Variants in PTPRD observed in about 807,000 individuals in gnomAD.
The protein encoded by PTPRD is protein tyrosine phosphatase receptor type D, also known as receptor-type tyrosine-protein phosphatase delta.
A neutral mutation model predicts 214.5 loss-of-function variants in PTPRD; 34 were observed. That is an observed-to-expected ratio of 0.16 (90% CI 0.12 to 0.21). The LOEUF (loss-of-function observed/expected upper bound fraction) is 0.21. PTPRD is among the 10% of genes least tolerant of loss of function. PTPRD has a pLI of 1.00. For missense variants in PTPRD, 2,545 were observed against 2,398.7 expected, an observed-to-expected ratio of 1.06 and a Z score of -1.27; for synonymous variants, 1,128 against 845.7, an observed-to-expected ratio of 1.33 and a Z score of -5.79.
intron 8 of PTPRD, among the ~76,000 whole-genome samples, chr9:9,499,200 G>C (rs571973356): frequency 6.6e-6 from 1 of 152,190 alleles, no homozygotes; most frequent in South Asian, 2.1e-4. Context: ...TTTTCATCAT[G>C]TTGATAAAAA....
At chr9:10,588,625 T>A (rs1254161708) in intron 2 of PTPRD, among the ~76,000 whole-genome samples, 2 of 152,060 alleles carry the variant, frequency 1.3e-5, no homozygotes, top group Middle Eastern at 3.2e-3. Context: ...AGTAAAAGAC[T>A]ATTGCTCAGT....
At chr9:10,406,365 A>C (rs906302225) in intron 2 of PTPRD, among the ~76,000 whole-genome samples, 2 of 151,596 alleles carry the variant, frequency 1.3e-5, no homozygotes, top group African/African-American at 2.4e-5. Flanking sequence ...ATTATAGTGG[A>C]ATAACAAACG....
At chr9:10,287,077 A>T (rs1165542210) in intron 3 of PTPRD, among the ~76,000 whole-genome samples, 5 of 152,220 alleles carry the variant, frequency 3.3e-5, no homozygotes, top group Admixed American at 1.3e-4. Context: ...AATAAAAAAG[A>T]TGTTTTACTC....
At chr9:8,879,521 C>A (rs2098424115) in intron 11 of PTPRD, among the ~76,000 whole-genome samples, 1 of 152,152 alleles carries the variant, frequency 6.6e-6, no homozygotes, top group African/African-American at 2.4e-5. Flanking sequence ...TCATGGAGCT[C>A]ATTGGCCAGT....
chr9:9,309,970 G>A (rs1448418713), intron 9 of PTPRD, among the ~76,000 whole-genome samples: 1 of 151,938 alleles, frequency 6.6e-6, no homozygotes, highest in Non-Finnish European at 1.5e-5. Flanking sequence ...CCTTACATAG[G>A]ATTAAGTTTA....
In PTPRD at chr9:8,853,103, G is replaced by A. The variant is rs7031581; in HGVS notation, c.-103-119157C>T. On this transcript the variant is annotated intron_variant, in intron 11 of 45. Transcript: ENST00000381196. ...TGAAAGCAAATGGGTAATTTATTAA[G>A]GGGGAAATGAGAGACACAGGTCTTC... Among the ~76,000 whole-genome samples, 1,514 of 152,286 alleles carry A rather than the reference G, an allele frequency of 9.9e-3. 26 individuals carry two copies. Among genetic ancestry groups the A allele is most frequent in the African/African-American group, 0.034 (1,430 of 41,556 alleles).
intron 10 of PTPRD, among the ~76,000 whole-genome samples, chr9:9,150,475 A>G (rs1208168270): frequency 6.8e-6 from 1 of 147,788 alleles, no homozygotes; most frequent in Non-Finnish European, 1.5e-5. Context: ...TATATAATAT[A>G]TACTATATAT....
At chr9:8,525,245 G>T in intron 17 of PTPRD, 1 of 687,242 alleles carries the variant, frequency 1.5e-6, no homozygotes, top group Non-Finnish European at 2.6e-6. Flanking sequence ...ATCAATGCTA[G>T]CATTAGAAAT....
At chr9:9,688,098 C>A (rs1319218287) in intron 7 of PTPRD, among the ~76,000 whole-genome samples, 1 of 151,748 alleles carries the variant, frequency 6.6e-6, no homozygotes, top group East Asian at 1.9e-4. Context: ...CAACTTCTGC[C>A]ACGACTGTAA....
chr9:9,046,921 A>C (rs923261664), intron 10 of PTPRD, among the ~76,000 whole-genome samples: 2 of 152,210 alleles, frequency 1.3e-5, no homozygotes, highest in African/African-American at 2.4e-5. Context: ...TAGCTAGAGC[A>C]ATCAGACAAG....
chr9:9,950,383 T>C (rs1356207353), intron 4 of PTPRD, among the ~76,000 whole-genome samples: 1 of 152,168 alleles, frequency 6.6e-6, no homozygotes, highest in Admixed American at 6.5e-5. Flanking sequence ...TTCTCACTTT[T>C]CTTTATTTGG....
At chr9:8,481,827 G>A (rs10977152) in intron 30 of PTPRD, among the ~76,000 whole-genome samples, 3 of 152,158 alleles carry the variant, frequency 2.0e-5, no homozygotes, top group African/African-American at 7.2e-5. Flanking sequence ...CTGTTGCTCA[G>A]GCTGAAGTGC....
At chr9:9,343,869 A>C in intron 9 of PTPRD, among the ~76,000 whole-genome samples, 1 of 152,096 alleles carries the variant, frequency 6.6e-6, no homozygotes, top group Non-Finnish European at 1.5e-5. Context: ...ATCCTGGGTG[A>C]AATTCTTTAG....
rs35929428 is a variant in PTPRD at position 8,485,834 on chromosome 9, G to C, written c.2983C>G (p.Arg995Gly). The C allele has an allele frequency of 6.2e-7, 1 of 1,614,044 alleles. No homozygotes were observed. Among genetic ancestry groups the C allele is most frequent in the South Asian group, 1.1e-5 (1 of 91,080 alleles). The stretch of plus-strand genomic sequence containing the variant: ...CCGGGCCCTTTGCTCGTATGAGCAC[G>C]TACTTTTACATCGTATGTGGTATCT... ...KPDTTYDVKVRAHTSKGPGPY... is the reference protein window; with the variant it reads ...KPDTTYDVKVGAHTSKGPGPY... The change falls in exon 28 of 46, where the codon CGT becomes GGT. Residue 995 changes from arginine to glycine, a missense_variant. By Grantham distance (125) the Arg-to-Gly change is moderately radical (BLOSUM62 -2). Transcript: ENST00000381196.
chr9:9,980,608 CAAAAAAAAACAAAAAAA>C (rs1443839938), intron 4 of PTPRD, among the ~76,000 whole-genome samples: 25 of 11,430 alleles, frequency 2.2e-3, no homozygotes, highest in South Asian at 6.9e-3. Context: ...GACACCTTGT[CAAAAAAAAACAAAAAAA>C]AAAAAAAAAC....
chr9:10,017,111 A>T (rs2096734216), intron 4 of PTPRD, among the ~76,000 whole-genome samples: 1 of 152,206 alleles, frequency 6.6e-6, no homozygotes, highest in Non-Finnish European at 1.5e-5. Flanking sequence ...AAAGTTCCCA[A>T]TCATACACAT....
At chr9:9,372,987 C>T (rs1343499606) in intron 9 of PTPRD, among the ~76,000 whole-genome samples, 2 of 152,088 alleles carry the variant, frequency 1.3e-5, no homozygotes, top group Non-Finnish European at 2.9e-5. Context: ...AGTTTAGAGT[C>T]TCACAAAATA....
intron 3 of PTPRD, among the ~76,000 whole-genome samples, chr9:10,215,195 TA>T (rs2099535786): frequency 6.7e-6 from 1 of 149,224 alleles, no homozygotes; most frequent in Admixed American, 6.7e-5. Context: ...GTCAGAAAAA[TA>T]AAACATTAAG....
chr9:8,382,121 A>G (rs2085291951), intron 37 of PTPRD, among the ~76,000 whole-genome samples: 1 of 152,136 alleles, frequency 6.6e-6, no homozygotes, highest in Non-Finnish European at 1.5e-5. Flanking sequence ...TCATTAGATG[A>G]CTCAATGTTT....
Sources: allele counts gnomAD v4.1 joint callset (sites outside exome capture counted in the v4.1 genomes callset), GRCh38; gene constraint gnomAD v4.1.1; transcripts MANE v1.5; gene names NCBI Gene and HGNC (gene_info 2026-07-23, HGNC 2026-07-21).